MAF: variants seen among roughly 807,000 people sequenced by gnomAD.
MAF encodes the protein MAF bZIP transcription factor.
In MAF, 10 loss-of-function variants were observed where a neutral mutation model predicts 22.0. The ratio of observed to expected loss-of-function variants is 0.45; its 90% CI spans 0.28 to 0.77. The LOEUF (loss-of-function observed/expected upper bound fraction) is 0.77. Ranked by LOEUF, MAF falls within the 30% of genes least tolerant of loss-of-function variation. MAF has a pLI of 0.12. For missense variants in MAF, 544 were observed against 548.4 expected (o/e 0.99, Z 0.08); for synonymous variants, 337 against 255.8 (o/e 1.32, Z -3.03).
At chr16:79,429,540 G>A in the MAF span, among the ~76,000 whole-genome samples, 1 of 152,144 alleles carries the variant, frequency 6.6e-6, no homozygotes, top group Non-Finnish European at 1.5e-5. Context: ...GCAGAGAGAG[G>A]GAGGCAGGCT....
At chr16:79,232,399 T>C in the MAF span, among the ~76,000 whole-genome samples, 2 of 152,112 alleles carry the variant, frequency 1.3e-5, no homozygotes. Context: ...ATACGACTTT[T>C]GGTAACACCT....
chr16:79,224,111 A>G, the MAF span, among the ~76,000 whole-genome samples: 2 of 152,220 alleles, frequency 1.3e-5, no homozygotes, highest in African/African-American at 4.8e-5. Flanking sequence ...AAAATCCTCA[A>G]TAAAATACTG....
chr16:79,501,351 C>G, the MAF span, among the ~76,000 whole-genome samples: 1 of 152,152 alleles, frequency 6.6e-6, no homozygotes, highest in African/African-American at 2.4e-5. Flanking sequence ...ATAACCTCAC[C>G]TTAATTAATT....
At chr16:79,400,588 T>A in the MAF span, among the ~76,000 whole-genome samples, 1 of 152,344 alleles carries the variant, frequency 6.6e-6, no homozygotes, top group East Asian at 1.9e-4. Flanking sequence ...GGTAGAAGAA[T>A]ACCCCCTTCA....
the MAF span, among the ~76,000 whole-genome samples, chr16:79,394,752 C>T: frequency 6.6e-6 from 1 of 152,204 alleles, no homozygotes; most frequent in Non-Finnish European, 1.5e-5. Context: ...GACACTCCTA[C>T]TCCAATTTTT....
the MAF span, among the ~76,000 whole-genome samples, chr16:79,482,830 T>C: frequency 8.8e-5 from 13 of 147,384 alleles, no homozygotes; most frequent in African/African-American, 3.3e-4. Flanking sequence ...GCATACATCA[T>C]ACCCCCCTCC....
the MAF span, among the ~76,000 whole-genome samples, chr16:79,296,406 T>C: frequency 6.6e-6 from 1 of 152,206 alleles, no homozygotes; most frequent in Non-Finnish European, 1.5e-5. Flanking sequence ...GATAAATAGC[T>C]AATGCATGCG....
the MAF span, among the ~76,000 whole-genome samples, chr16:79,521,691 G>GCTTTTGTCT: frequency 3.9e-5 from 6 of 152,248 alleles, no homozygotes; most frequent in East Asian, 5.8e-4. Context: ...CCTCCCACTT[G>GCTTTTGTCT]CTTTTGTCTC....
the MAF span, among the ~76,000 whole-genome samples, chr16:79,218,624 A>T: frequency 6.6e-6 from 1 of 152,180 alleles, no homozygotes; most frequent in South Asian, 2.1e-4. Flanking sequence ...TGATTTTCAC[A>T]TTGTCACAAC....
At chr16:79,521,184 TG>T in the MAF span, among the ~76,000 whole-genome samples, 1 of 152,204 alleles carries the variant, frequency 6.6e-6, no homozygotes, top group African/African-American at 2.4e-5. Context: ...CTCAAGTGAC[TG>T]GGAATTCTAA....
the MAF span, among the ~76,000 whole-genome samples, chr16:79,266,559 T>C: frequency 1.3e-5 from 2 of 152,204 alleles, no homozygotes; most frequent in Admixed American, 6.5e-5. Context: ...GTTGTCTTTC[T>C]GGAAATAGCC....
At chr16:79,475,919 T>C in the MAF span, among the ~76,000 whole-genome samples, 5 of 152,190 alleles carry the variant, frequency 3.3e-5, no homozygotes, top group Non-Finnish European at 7.3e-5. Context: ...GTGAATATGA[T>C]GGGATATTAT....
the MAF span, among the ~76,000 whole-genome samples, chr16:79,441,343 G>A: frequency 1.3e-5 from 2 of 152,142 alleles, no homozygotes; most frequent in Non-Finnish European, 2.9e-5. Context: ...CTTAAAAATG[G>A]GGAAAGAGAA....
the MAF span, among the ~76,000 whole-genome samples, chr16:79,263,866 T>A: frequency 2.6e-4 from 39 of 152,288 alleles, no homozygotes; most frequent in African/African-American, 6.7e-4. Context: ...TTGTTGCCAC[T>A]TGCTCCACAA....
chr16:79,257,036 G>T, the MAF span, among the ~76,000 whole-genome samples: 1 of 152,180 alleles, frequency 6.6e-6, no homozygotes, highest in Non-Finnish European at 1.5e-5. Flanking sequence ...AATTAGCCAG[G>T]TATGGTGGTG....
chr16:79,485,056 G>C, the MAF span, among the ~76,000 whole-genome samples: 3 of 152,104 alleles, frequency 2.0e-5, no homozygotes, highest in East Asian at 1.9e-4. Context: ...TGCCTGATTA[G>C]ACTTTTATGA....
At chr16:79,381,058 G>C in the MAF span, among the ~76,000 whole-genome samples, 3 of 152,242 alleles carry the variant, frequency 2.0e-5, no homozygotes, top group Non-Finnish European at 4.4e-5. Context: ...GGCCACCTCT[G>C]CTCTGGCCTC....
the MAF span, among the ~76,000 whole-genome samples, chr16:79,365,329 A>T: frequency 6.6e-6 from 1 of 152,160 alleles, no homozygotes; most frequent in African/African-American, 2.4e-5. Flanking sequence ...GTAGTTTCAC[A>T]TTTCTATGTG....
At chr16:79,423,444 G>A in the MAF span, among the ~76,000 whole-genome samples, 2 of 152,272 alleles carry the variant, frequency 1.3e-5, no homozygotes, top group East Asian at 3.9e-4. Context: ...AATCAAACCC[G>A]ATGACTTGTG....
Sources: gnomAD v4.1 joint callset for allele counts (sites outside exome capture counted in the v4.1 genomes callset) on GRCh38, gnomAD v4.1.1 for gene constraint, MANE v1.5 for transcripts, NCBI Gene and HGNC (gene_info 2026-07-23, HGNC 2026-07-21) for gene names.